The following NUP160 variants were observed in gnomAD, a reference collection of about 807,000 sequenced individuals.
The protein encoded by NUP160 is nucleoporin 160.
NUP160 carries 94 observed loss-of-function variants against 196.9 expected under a neutral mutation model. That is an observed-to-expected ratio of 0.48 (90% confidence interval 0.40 to 0.57). The LOEUF (loss-of-function observed/expected upper bound fraction) is 0.57, where lower values mean the gene tolerates loss of function less well. Ranked by LOEUF, NUP160 falls within the 20% of genes least tolerant of loss-of-function variation. The pLI is 0.00. For missense variants in NUP160, 1,638 were observed against 1,748.3 expected, an observed-to-expected ratio of 0.94 and a Z score of 1.13; for synonymous variants, 605 against 619.7, an observed-to-expected ratio of 0.98 and a Z score of 0.35.
At chr11:47,780,540 C>CT (rs72169400) in intron 34 of NUP160, 93 bp from the exon 35 acceptor site, 799 of 423,950 alleles carry the variant, frequency 1.9e-3, no homozygotes, top group Middle Eastern at 3.1e-3. Flanking sequence ...ATAAAATACC[C>CT]TTTTTTTTTT....
intron 1 of NUP160, 34 bp downstream of exon 1, chr11:47,848,185 G>C (rs867185400): frequency 1.2e-6 from 2 of 1,609,880 alleles, no homozygotes; most frequent in Non-Finnish European, 1.7e-6. Flanking sequence ...CGAGGGGACA[G>C]ATGGGATCGC....
intron 5 of NUP160, 92 bp downstream of exon 5, chr11:47,837,453 G>A: frequency 2.1e-6 from 2 of 946,374 alleles, no homozygotes; most frequent in Non-Finnish European, 3.4e-6. Flanking sequence ...TATAATGTTT[G>A]CCTTGGAATA....
At chr11:47,841,008 G>A (rs1490922816) in intron 2 of NUP160, among the ~76,000 whole-genome samples, 4 of 140,096 alleles carry the variant, frequency 2.9e-5, no homozygotes, top group African/African-American at 5.6e-5. Flanking sequence ...GCATGCATGC[G>A]CACACATATA....
At chr11:47,836,266 G>A (rs965584484) in intron 6 of NUP160, among the ~76,000 whole-genome samples, 1 of 152,018 alleles carries the variant, frequency 6.6e-6, no homozygotes, top group African/African-American at 2.4e-5. Flanking sequence ...ATAAAAAGAG[G>A]GAGGGAGGGG....
rs953843976 is a variant in NUP160, at chr11:47,821,975, A to G, written c.1179+112T>C. ...AAGTCTAAATGAAATTTTGTTCCAT[A>G]TATCATGAAATAATTCCATTTTAAG... On this transcript the variant is annotated intron_variant, in intron 8 of 35. Transcript: ENST00000378460. 15 of 973,564 alleles carry G rather than the reference A, an allele frequency of 1.5e-5. 1 individual carries two copies. The highest frequency in any genetic ancestry group is 4.7e-5 in the South Asian group (3 of 64,044). The allele number at this position is 973,564 out of a possible 1,614,324, so 60.3% of individuals were successfully genotyped here. A position where few individuals can be genotyped will look rare whatever the true frequency, so the allele number is the denominator to read the frequency against.
intron 22 of NUP160, among the ~76,000 whole-genome samples, chr11:47,803,204 G>C (rs547526963): frequency 1.3e-5 from 2 of 148,500 alleles, no homozygotes; most frequent in African/African-American, 4.9e-5. Flanking sequence ...AAACACACAG[G>C]GGCAGGAGAG....
At chr11:47,838,710 A>G (rs1054682049) in intron 4 of NUP160, among the ~76,000 whole-genome samples, 1 of 151,348 alleles carries the variant, frequency 6.6e-6, no homozygotes, top group East Asian at 2.0e-4. Context: ...TCTGTCTCAA[A>G]AGAAAGAAAG....
chr11:47,824,336 T>C (rs1448073221), intron 7 of NUP160, among the ~76,000 whole-genome samples: 8 of 151,958 alleles, frequency 5.3e-5, no homozygotes, highest in East Asian at 1.9e-4. Context: ...CTGGGTGCGG[T>C]GGCTCACACC....
At chr11:47,817,503 C>T (rs1202897108) in intron 11 of NUP160, among the ~76,000 whole-genome samples, 7 of 151,984 alleles carry the variant, frequency 4.6e-5, no homozygotes, top group Admixed American at 1.3e-4. Flanking sequence ...TGTGCCACCA[C>T]GCCCGGCTAA....
At chr11:47,792,077 A>C in intron 28 of NUP160, 87 bp from the exon 29 acceptor site, 1 of 878,746 alleles carries the variant, frequency 1.1e-6, no homozygotes, top group African/African-American at 1.7e-5. Context: ...TTTATGCTTA[A>C]ATTTTCTCAA....
intron 1 of NUP160, 49 bp downstream of exon 1, chr11:47,848,170 G>A (rs377183820): frequency 1.9e-6 from 3 of 1,600,032 alleles, no homozygotes; most frequent in East Asian, 2.2e-5. Context: ...CCCATGAGAG[G>A]AGCCCGAGGG....
chr11:47,791,349 A>T (rs544568527), intron 29 of NUP160, among the ~76,000 whole-genome samples: 1 of 151,728 alleles, frequency 6.6e-6, no homozygotes, highest in African/African-American at 2.4e-5. Context: ...ACTAAACATT[A>T]TTTTTTTTGA....
In NUP160 at chr11:47,812,875, T is replaced by C; in HGVS notation, c.1952+7A>G. On this transcript the variant is annotated splice_region_variant and intron_variant, in intron 15 of 35. Transcript: ENST00000378460. ...TAGGAAATGCACTTTACCCTAATTC[T>C]CCTTACACATCAATAGTGATCATAT... The C allele has an allele frequency of 6.3e-7, 1 of 1,596,028 alleles. No homozygotes were observed. The highest frequency in any genetic ancestry group is 8.5e-7 in the Non-Finnish European group (1 of 1,174,802).
chr11:47,781,972 T>C (rs1038957541), intron 34 of NUP160, among the ~76,000 whole-genome samples: 2 of 151,966 alleles, frequency 1.3e-5, no homozygotes, highest in African/African-American at 2.4e-5. Context: ...TCACCTTACA[T>C]AGCATGATAA....
intron 7 of NUP160, among the ~76,000 whole-genome samples, chr11:47,824,052 T>TATATATATATAC (rs1391609379): frequency 1.1e-5 from 1 of 93,798 alleles, no homozygotes. Context: ...TATATATATA[T>TATATATATATAC]ACACACACAC....
chr11:47,828,920 A>G (rs1205856483), intron 7 of NUP160, among the ~76,000 whole-genome samples: 1 of 152,172 alleles, frequency 6.6e-6, no homozygotes, highest in Non-Finnish European at 1.5e-5. Context: ...ACCTCACACT[A>G]TTAAAAAAAA....
At chr11:47,778,296 C>T (rs1459687170) in exon 36 of NUP160, 2 of 152,486 alleles carry the variant, frequency 1.3e-5, no homozygotes, top group African/African-American at 4.8e-5. Flanking sequence ...TTTTCACTTT[C>T]CCAAAACTTG....
At chr11:47,792,940 G>A (rs371598332) in exon 28 of NUP160, 80 of 1,611,376 alleles carry the variant, frequency 5.0e-5, no homozygotes, top group Non-Finnish European at 6.4e-5. Context: ...AAACATCACT[G>A]TGCCAGCTAT....
At chr11:47,790,748 T>C (rs1408544963) in intron 29 of NUP160, among the ~76,000 whole-genome samples, 1 of 152,146 alleles carries the variant, frequency 6.6e-6, no homozygotes, top group Non-Finnish European at 1.5e-5. Context: ...AGTGAGACCC[T>C]GTTTCAAAAA....
Sources: allele counts gnomAD v4.1 joint callset (sites outside exome capture counted in the v4.1 genomes callset), GRCh38; gene constraint gnomAD v4.1.1; transcripts MANE v1.5; gene names NCBI Gene and HGNC (gene_info 2026-07-23, HGNC 2026-07-21).